Variants in ADORA1 observed in about 807,000 individuals in gnomAD.
The protein encoded by ADORA1 is adenosine A1 receptor.
In ADORA1, 6 loss-of-function variants were observed where a neutral mutation model predicts 19.9. The ratio of observed to expected loss-of-function variants is 0.30; its 90% CI spans 0.17 to 0.59. ADORA1 has a LOEUF of 0.59. Ranked by LOEUF, ADORA1 falls within the 20% of genes least tolerant of loss-of-function variation. The probability of loss-of-function intolerance (pLI) is 0.87; values close to 1 mark genes in which losing one functional copy is unlikely to be tolerated. For missense variants in ADORA1, 302 were observed against 439.2 expected (o/e 0.69, Z 2.79); for synonymous variants, 194 against 188.4 (o/e 1.03, Z -0.24).
At chr1:203,159,989 A>G (rs1306632748) in intron 3 of ADORA1, among the ~76,000 whole-genome samples, 1 of 152,240 alleles carries the variant, frequency 6.6e-6, no homozygotes, top group Non-Finnish European at 1.5e-5. Flanking sequence ...TGCCTGGAGC[A>G]GGAGAGGCTT....
chr1:203,153,316 C>T (rs562734199), intron 3 of ADORA1, among the ~76,000 whole-genome samples: 4 of 152,196 alleles, frequency 2.6e-5, no homozygotes, highest in South Asian at 2.1e-4. Context: ...ATTCTGCTCA[C>T]GTCCAGCGCT....
chr1:203,165,137 C>T lies in ADORA1; in HGVS notation c.342-124C>T, dbSNP rs1180812780. 1.9e-6 allele frequency: 3 copies of T among 1,562,796 alleles called. No individual in the cohort carries two copies. The South Asian group carries it at 3.5e-5, about 18-fold the overall frequency. ...CGAGCAAAAGACATGCACCTCCCCA[C>T]TCACCGGGCCCTGGAAGAGGAGGGT... On this transcript the variant is annotated intron_variant, in intron 3 of 3. Transcript: ENST00000337894. The surrounding 1 kb of genome is among the most constrained non-coding windows in gnomAD (Gnocchi z 5.9).
At chr1:203,131,071 T>G (rs577528361) in intron 3 of ADORA1, among the ~76,000 whole-genome samples, 2 of 152,256 alleles carry the variant, frequency 1.3e-5, no homozygotes, top group East Asian at 1.9e-4. Context: ...ATTGGAATAA[T>G]TTAATGAACT....
At chr1:203,132,778 C>T (rs187931923) in intron 3 of ADORA1, among the ~76,000 whole-genome samples, 1 of 152,216 alleles carries the variant, frequency 6.6e-6, no homozygotes, top group Non-Finnish European at 1.5e-5. Context: ...ACTTGGGAGG[C>T]GTATATTGCA....
At position 203,165,439 on chromosome 1, in the gene ADORA1, G is replaced by A. The variant is rs2102181513; in HGVS notation, c.520G>A (p.Val174Ile). The A allele has an allele frequency of 6.2e-7, 1 of 1,613,850 alleles. No homozygotes were observed. Among genetic ancestry groups the A allele is most frequent in the Non-Finnish European group, 8.5e-7 (1 of 1,179,852 alleles). The part of the protein sequence containing the change: ...EPVIKCEFEK[V>I]ISMEYMVYFN... The stretch of plus-strand genomic sequence containing the variant: ...CGTGATCAAGTGCGAGTTCGAGAAG[G>A]TCATCAGCATGGAGTACATGGTCTA... The change falls in exon 4 of 4, where the codon GTC becomes ATC. Residue 174 changes from valine to isoleucine, a missense_variant. Coordinates refer to ENST00000337894, the MANE Select transcript of ADORA1 (RefSeq NM_000674.3). This position sits in a 1 kb window ranked among gnomAD's most constrained non-coding sequence, Gnocchi z 5.9.
intron 3 of ADORA1, among the ~76,000 whole-genome samples, chr1:203,134,845 T>C (rs146186948): frequency 1.2e-4 from 19 of 152,374 alleles, no homozygotes; most frequent in Non-Finnish European, 2.2e-4. Flanking sequence ...AGAACATCTA[T>C]ATATACATGG....
Position 203,128,826 on chromosome 1 carries a change from C to T in ADORA1, c.-16C>T. 6.3e-7 allele frequency: 1 copy of T among 1,576,968 alleles called. No individual in the cohort carries two copies. The highest frequency in any genetic ancestry group is 8.6e-7 in the Non-Finnish European group (1 of 1,165,194). ...CCTTGGTGCCCGTCTGCTGATGTGC[C>T]CAGCCTGTGCCCGCCATGCCGCCCT... On this transcript the variant is annotated 5_prime_UTR_variant, in exon 3 of 4. Coordinates refer to ENST00000337894, the MANE Select transcript of ADORA1 (RefSeq NM_000674.3). The surrounding 1 kb of genome is among the most constrained non-coding windows in gnomAD (Gnocchi z 5.9).
At chr1:203,149,262 G>A (rs1654957083) in intron 3 of ADORA1, among the ~76,000 whole-genome samples, 1 of 152,190 alleles carries the variant, frequency 6.6e-6, no homozygotes, top group Non-Finnish European at 1.5e-5. Context: ...GATTTGATAA[G>A]CTTCTTCCTC....
At chr1:203,149,723 G>T (rs3820148) in intron 3 of ADORA1, among the ~76,000 whole-genome samples, 12,201 of 152,204 alleles carry the variant, frequency 0.08, 900 homozygotes, top group East Asian at 0.43. Context: ...CTGCCAGGGG[G>T]GATGTTGTTG....
At chr1:203,163,240 G>A (rs765840100) in intron 3 of ADORA1, among the ~76,000 whole-genome samples, 1 of 152,214 alleles carries the variant, frequency 6.6e-6, no homozygotes, top group Non-Finnish European at 1.5e-5. Flanking sequence ...AGGAATACTG[G>A]TCGGATGTTT....
chr1:203,143,699 C>T (rs1211156661), intron 3 of ADORA1, among the ~76,000 whole-genome samples: 3 of 152,226 alleles, frequency 2.0e-5, no homozygotes, highest in African/African-American at 7.2e-5. Flanking sequence ...CTCCATGGTC[C>T]AGACAAAAGT....
chr1:203,166,026 G>T lies in ADORA1; in HGVS notation c.*126G>T. 2 of 1,258,824 alleles carry T rather than the reference G, an allele frequency of 1.6e-6. No homozygotes were observed. Among genetic ancestry groups the T allele is most frequent in the South Asian group, 1.7e-5 (1 of 57,454 alleles). The allele number at this position is 1,258,824 out of a possible 1,614,324, so 78.0% of individuals were successfully genotyped here. On this transcript the variant is annotated 3_prime_UTR_variant, in exon 4 of 4. Coordinates refer to ENST00000337894, the MANE Select transcript of ADORA1 (RefSeq NM_000674.3). Reference sequence around the variant, plus strand: ...GCTGTTGGCTGGGGGCATGGGGGAGGCTCTGAAGAGATACCCACAGAGTGT... The same window carrying T: ...GCTGTTGGCTGGGGGCATGGGGGAGTCTCTGAAGAGATACCCACAGAGTGT...
intron 3 of ADORA1, among the ~76,000 whole-genome samples, chr1:203,143,452 G>A (rs1298597176): frequency 6.6e-6 from 1 of 152,206 alleles, no homozygotes; most frequent in African/African-American, 2.4e-5. Flanking sequence ...ACACAGTCAG[G>A]TGTGAAGGCA....
At chr1:203,149,526 G>A (rs1654966472) in intron 3 of ADORA1, among the ~76,000 whole-genome samples, 1 of 152,192 alleles carries the variant, frequency 6.6e-6, no homozygotes, top group South Asian at 2.1e-4. Context: ...CTCCACCCAG[G>A]CCGGGAGTTG....
intron 3 of ADORA1, among the ~76,000 whole-genome samples, chr1:203,135,520 T>C (rs1223735255): frequency 6.6e-6 from 1 of 152,060 alleles, no homozygotes; most frequent in Non-Finnish European, 1.5e-5. Context: ...TAGATGGGCA[T>C]GGTGGTGCAC....
intron 3 of ADORA1, among the ~76,000 whole-genome samples, chr1:203,148,987 C>T (rs1200984724): frequency 6.6e-6 from 1 of 152,156 alleles, no homozygotes; most frequent in African/African-American, 2.4e-5. Context: ...AAGCGATTCT[C>T]CTGCCTCAGC....
intron 3 of ADORA1, among the ~76,000 whole-genome samples, chr1:203,138,962 G>A (rs10920572): frequency 0.13 from 19,826 of 152,064 alleles, 2,325 homozygotes; most frequent in African/African-American, 0.3. Context: ...GGAATCATAG[G>A]TGCATGCCAC....
At chr1:203,149,792 C>A (rs889250720) in intron 3 of ADORA1, among the ~76,000 whole-genome samples, 2 of 152,172 alleles carry the variant, frequency 1.3e-5, no homozygotes, top group Non-Finnish European at 2.9e-5. Context: ...CTACTTTCTT[C>A]ACATTTAAGG....
At chr1:203,131,610 C>T (rs1465145164) in intron 3 of ADORA1, among the ~76,000 whole-genome samples, 1 of 152,200 alleles carries the variant, frequency 6.6e-6, no homozygotes, top group African/African-American at 2.4e-5. Context: ...CAGCGTGGCT[C>T]CTTGACAGCC....
Sources: allele counts gnomAD v4.1 joint callset (sites outside exome capture counted in the v4.1 genomes callset), GRCh38; gene constraint gnomAD v4.1.1; non-coding constraint Gnocchi (gnomAD v3.1); transcripts MANE v1.5; gene names NCBI Gene and HGNC (gene_info 2026-07-23, HGNC 2026-07-21).